HERC4: variants seen among roughly 807,000 people sequenced by gnomAD.
The protein encoded by HERC4 is HECT and RLD domain containing E3 ubiquitin protein ligase 4.
HERC4 carries 28 observed loss-of-function variants against 124.3 expected under a neutral mutation model. The ratio of observed to expected loss-of-function variants is 0.23; its 90% CI spans 0.17 to 0.31. The LOEUF (loss-of-function observed/expected upper bound fraction) is 0.31. Ranked by LOEUF, HERC4 falls within the 10% of genes least tolerant of loss-of-function variation. The pLI is 1.00. For synonymous variants in HERC4, 407 were observed against 421.5 expected (o/e 0.97, Z 0.42); for missense variants, 713 against 1,229.3 (o/e 0.58, Z 6.28).
chr10:68,046,474 A>C (rs911415166), intron 3 of HERC4, among the ~76,000 whole-genome samples: 2 of 152,234 alleles, frequency 1.3e-5, no homozygotes, highest in African/African-American at 4.8e-5. Flanking sequence ...CGAAACAAAG[A>C]AGCAATCATT....
chr10:68,053,660 A>G (rs1245924551), intron 3 of HERC4, among the ~76,000 whole-genome samples: 2 of 152,216 alleles, frequency 1.3e-5, no homozygotes, highest in African/African-American at 2.4e-5. Context: ...GGCATTAAAT[A>G]TATCACAAAA....
chr10:68,039,315 CAAAAAAAAA>C (rs5785844), intron 4 of HERC4: 4 of 1,098,090 alleles, frequency 3.6e-6, no homozygotes, highest in African/African-American at 4.4e-5. Flanking sequence ...GACCCTGTCT[CAAAAAAAAA>C]AAAAAAAAAA....
At chr10:68,001,569 AT>A (rs1319116881) in intron 9 of HERC4, among the ~76,000 whole-genome samples, 8 of 152,148 alleles carry the variant, frequency 5.3e-5, no homozygotes, top group East Asian at 1.9e-4. Context: ...TTTTTACACA[AT>A]TTTTTATCAT....
chr10:68,029,425 G>A (rs2039074958), intron 7 of HERC4, among the ~76,000 whole-genome samples: 1 of 151,916 alleles, frequency 6.6e-6, no homozygotes, highest in South Asian at 2.1e-4. Context: ...CCAAGAGGTG[G>A]ACGTTACAGT....
At chr10:68,067,807 A>C (rs2041369665) in intron 3 of HERC4, 1 of 152,210 alleles carries the variant, frequency 6.6e-6, no homozygotes, top group Non-Finnish European at 1.5e-5. Context: ...AAACCACAAT[A>C]AATTTTATCA....
At chr10:67,970,772 G>A (rs1269605263) in intron 15 of HERC4, among the ~76,000 whole-genome samples, 1 of 151,734 alleles carries the variant, frequency 6.6e-6, no homozygotes, top group African/African-American at 2.4e-5. Flanking sequence ...ATAAATCCAG[G>A]CATAAAAGAA....
intron 9 of HERC4, among the ~76,000 whole-genome samples, chr10:68,012,899 A>G (rs1035640809): frequency 1.3e-5 from 2 of 152,232 alleles, no homozygotes; most frequent in Non-Finnish European, 2.9e-5. Context: ...TGGTGATCTC[A>G]TATCACTAAT....
intron 8 of HERC4, among the ~76,000 whole-genome samples, chr10:68,024,116 T>C (rs1228912909): frequency 5.3e-5 from 8 of 152,130 alleles, no homozygotes; most frequent in Admixed American, 3.3e-4. Flanking sequence ...GTATCTACAC[T>C]ATATAAATAA....
chr10:68,073,128 T>C lies in HERC4; in HGVS notation c.-20A>G. On this transcript the variant is annotated 5_prime_UTR_variant, in exon 3 of 25. Coordinates refer to ENST00000373700, the MANE Select transcript of HERC4 (RefSeq NM_015601.4). ...CAACATGCTTGTAATTATTTTGGTCTTCCAGTTTCAATAAAAAATTCTCTT... is the reference window on the plus strand; with the variant it reads ...CAACATGCTTGTAATTATTTTGGTCCTCCAGTTTCAATAAAAAATTCTCTT... The C allele has an allele frequency of 6.3e-7, 1 of 1,593,092 alleles. No individual in the cohort carries two copies. Among genetic ancestry groups the C allele is most frequent in the Non-Finnish European group, 8.6e-7 (1 of 1,169,422 alleles).
intron 21 of HERC4, 65 bp downstream of exon 21, chr10:67,939,523 A>G (rs1338136227): frequency 1.8e-6 from 2 of 1,128,670 alleles, no homozygotes; most frequent in South Asian, 1.4e-5. Context: ...GAAAAACCCT[A>G]AGACACGGCT....
chr10:67,994,439 A>C (rs550323777), intron 9 of HERC4: 1 of 151,994 alleles, frequency 6.6e-6, no homozygotes, highest in South Asian at 2.1e-4. Context: ...ATTTTTATTT[A>C]TTTCTTTTTT....
At chr10:68,065,107 C>T (rs893021064) in intron 3 of HERC4, among the ~76,000 whole-genome samples, 4 of 151,726 alleles carry the variant, frequency 2.6e-5, no homozygotes, top group Admixed American at 6.6e-5. Flanking sequence ...AAATTATTAT[C>T]GGGGGAAAAA....
chr10:68,041,286 A>C (rs973252308), intron 4 of HERC4, among the ~76,000 whole-genome samples: 1 of 151,500 alleles, frequency 6.6e-6, no homozygotes, highest in Non-Finnish European at 1.5e-5. Flanking sequence ...AAAAATCTTA[A>C]CACCAACTCA....
At chr10:68,049,259 G>A (rs2040165513) in intron 3 of HERC4, among the ~76,000 whole-genome samples, 1 of 151,694 alleles carries the variant, frequency 6.6e-6, no homozygotes, top group Non-Finnish European at 1.5e-5. Context: ...TATCCATTGG[G>A]GAAGAAAAAA....
chr10:68,066,111 T>A (rs1337999867), intron 3 of HERC4, among the ~76,000 whole-genome samples: 1 of 152,208 alleles, frequency 6.6e-6, no homozygotes, highest in African/African-American at 2.4e-5. Context: ...TATAAACATT[T>A]GAGTACACCT....
chr10:68,036,881 T>G (rs1025349007), intron 5 of HERC4, among the ~76,000 whole-genome samples: 1 of 152,134 alleles, frequency 6.6e-6, no homozygotes, highest in Admixed American at 6.6e-5. Flanking sequence ...CATTTTACTT[T>G]TACCTTGTCT....
intron 9 of HERC4, chr10:68,010,546 G>A: frequency 1.0e-6 from 1 of 1,000,716 alleles, no homozygotes; most frequent in South Asian, 1.4e-5. Context: ...AGGCGCTGCA[G>A]GAACACATTC....
chr10:68,001,581 A>G (rs562846072), intron 9 of HERC4, among the ~76,000 whole-genome samples: 2 of 152,294 alleles, frequency 1.3e-5, no homozygotes, highest in East Asian at 3.9e-4. Flanking sequence ...TTTTTATCAT[A>G]AAATATACAT....
chr10:67,954,800 C>T (rs945891496), intron 18 of HERC4, 62 bp from the exon 19 acceptor site: 48 of 1,467,400 alleles, frequency 3.3e-5, no homozygotes, highest in Non-Finnish European at 4.5e-5. Context: ...ATTCTGGAGA[C>T]CCTAGAACAT....
Sources: allele counts gnomAD v4.1 joint callset (sites outside exome capture counted in the v4.1 genomes callset), GRCh38; gene constraint gnomAD v4.1.1; transcripts MANE v1.5; gene names NCBI Gene and HGNC (gene_info 2026-07-23, HGNC 2026-07-21).